The following ANKRD30A variants were observed in gnomAD, a reference collection of about 807,000 sequenced individuals.
The protein encoded by ANKRD30A is ankyrin repeat domain-containing protein 30A.
ANKRD30A carries 170 observed loss-of-function variants against 166.3 expected under a neutral mutation model. That is an observed-to-expected ratio of 1.02 (90% CI 0.90 to 1.16). ANKRD30A has a LOEUF of 1.16. Ranked by LOEUF, ANKRD30A falls within the 50% of genes most tolerant of loss-of-function variation. ANKRD30A has a pLI of 0.00. For missense variants in ANKRD30A, 1,630 were observed against 1,518.0 expected, an observed-to-expected ratio of 1.07 and a Z score of -1.23; for synonymous variants, 564 against 508.9, an observed-to-expected ratio of 1.11 and a Z score of -1.46.
chr10:37,222,550 G>C (rs532346878), intron 34 of ANKRD30A, among the ~76,000 whole-genome samples: 1 of 151,206 alleles, frequency 6.6e-6, no homozygotes, highest in South Asian at 2.1e-4. Flanking sequence ...TATGAATAAC[G>C]CTGCTGTAAG....
intron 31 of ANKRD30A, among the ~76,000 whole-genome samples, chr10:37,214,730 A>G (rs77196658): frequency 0.025 from 3,852 of 151,306 alleles, 103 homozygotes; most frequent in South Asian, 0.13. Flanking sequence ...ACCCATCTTC[A>G]AGTAATATTA....
the ANKRD30A span, among the ~76,000 whole-genome samples, chr10:37,240,304 G>A: frequency 6.6e-6 from 1 of 152,074 alleles, no homozygotes; most frequent in Non-Finnish European, 1.5e-5. Flanking sequence ...ACACACTGCA[G>A]TTGTTTTGAG....
At chr10:37,253,789 A>G in the ANKRD30A span, among the ~76,000 whole-genome samples, 4 of 151,860 alleles carry the variant, frequency 2.6e-5, no homozygotes, top group Non-Finnish European at 4.4e-5. Context: ...CTGGGACCAC[A>G]GGTGCCCGCC....
At chr10:37,130,708 A>G (rs1342043896) in intron 3 of ANKRD30A, among the ~76,000 whole-genome samples, 2 of 152,178 alleles carry the variant, frequency 1.3e-5, no homozygotes, top group African/African-American at 4.8e-5. Flanking sequence ...TTGAGTCAAC[A>G]TGTAAAATTT....
chr10:37,250,833 A>C, the ANKRD30A span, among the ~76,000 whole-genome samples: 1 of 152,198 alleles, frequency 6.6e-6, no homozygotes, highest in African/African-American at 2.4e-5. Flanking sequence ...CATTGTTTAT[A>C]AACCATGCAG....
intron 32 of ANKRD30A, 83 bp downstream of exon 32, chr10:37,216,477 C>A: frequency 7.5e-7 from 1 of 1,324,838 alleles, no homozygotes; most frequent in Non-Finnish European, 1.0e-6. Flanking sequence ...GCTGACTTAC[C>A]TTCTGAGGTT....
In ANKRD30A at chr10:37,194,635, G is replaced by A. The variant is rs111866145; in HGVS notation, c.2614+1377G>A. 4.0e-3 allele frequency among the ~76,000 whole-genome samples: 603 copies of A among 152,242 alleles called. 7 individuals carry two copies. The highest frequency in any genetic ancestry group is 0.013 in the African/African-American group (558 of 41,534). ...ACTGGAATTACAGGCGTGAGGCACC[G>A]TGCCCGGCCGATGTCTGAAATTTTC... On this transcript the variant is annotated intron_variant, in intron 27 of 35. Coordinates refer to ENST00000361713, the MANE Select transcript of ANKRD30A (RefSeq NM_052997.3).
rs1427544692 is a variant in ANKRD30A, at chr10:37,125,838, C to T, written c.51C>T (p.Arg17=). 9.2e-7 allele frequency: 1 copy of T among 1,089,318 alleles called. No homozygotes were observed. The allele number at this position is 1,089,318 out of a possible 1,614,324, so 67.5% of individuals were successfully genotyped here. Reference sequence around the variant, plus strand: ...TCAAGGTCGTGCCGGGCCCGGAGCGCCCGAGCCCTTTCAGCCAGCTAGTCT... The same window carrying T: ...TCAAGGTCGTGCCGGGCCCGGAGCGTCCGAGCCCTTTCAGCCAGCTAGTCT... ...AAVKVVPGPE[R]PSPFSQLVYT... is the part of the protein sequence containing the mutation. Residue 17 remains arginine (R), a synonymous_variant, in exon 1 of 36, where the codon CGC becomes CGT. Transcript: ENST00000361713.
At chr10:37,203,813 C>T (rs531368013) in intron 31 of ANKRD30A, among the ~76,000 whole-genome samples, 80 of 152,248 alleles carry the variant, frequency 5.3e-4, no homozygotes, top group Middle Eastern at 6.8e-3. Context: ...AATAAATGTG[C>T]AAAAATCACA....
At chr10:37,193,391 TGTGA>T in intron 27 of ANKRD30A, 133 bp downstream of exon 27, 2 of 1,233,858 alleles carry the variant, frequency 1.6e-6, no homozygotes, top group South Asian at 3.2e-5. Context: ...ATAATGCCAA[TGTGA>T]GTATTTCTGT....
chr10:37,193,062 A>C lies in ANKRD30A; in HGVS notation c.2513-2A>C, dbSNP rs764988615. ...AAATTATATATGTCCCTTTTCTTTT[A>C]GAGTCTCCTGATAATGATGGTTTTC... On this transcript the variant is annotated splice_acceptor_variant, in intron 25 of 35. Coordinates refer to ENST00000361713, the MANE Select transcript of ANKRD30A (RefSeq NM_052997.3). LOFTEE classifies it high-confidence loss of function. The C allele has an allele frequency of 6.2e-7, 1 of 1,609,672 alleles. No individual in the cohort carries two copies. The highest frequency in any genetic ancestry group is 1.1e-5 in the South Asian group (1 of 90,926).
intron 27 of ANKRD30A, among the ~76,000 whole-genome samples, chr10:37,193,852 C>G (rs762677737): frequency 1.3e-5 from 2 of 152,092 alleles, no homozygotes; most frequent in African/African-American, 4.8e-5. Context: ...CCTAGAGGTA[C>G]AAAAGAGCCT....
chr10:37,211,629 A>T (rs905783036), intron 31 of ANKRD30A, among the ~76,000 whole-genome samples: 2 of 152,146 alleles, frequency 1.3e-5, no homozygotes. Flanking sequence ...CATGTTTTAT[A>T]ATCCTTTGGG....
chr10:37,161,711 A>T (rs916337223), intron 15 of ANKRD30A, among the ~76,000 whole-genome samples: 9 of 152,272 alleles, frequency 5.9e-5, no homozygotes, highest in Middle Eastern at 3.4e-3. Context: ...CAATCAGGGA[A>T]GACAAATATA....
At chr10:37,151,916 GTAGT>G (rs1298521855) in intron 11 of ANKRD30A, 140 bp from the exon 12 acceptor site, 1 of 620,092 alleles carries the variant, frequency 1.6e-6, no homozygotes, top group African/African-American at 1.9e-5. Flanking sequence ...GACTATAGAA[GTAGT>G]TATTGTAATC....
chr10:37,132,399 TAAC>T (rs1836433270), intron 4 of ANKRD30A, 53 bp downstream of exon 4: 1 of 1,040,944 alleles, frequency 9.6e-7, no homozygotes, highest in Non-Finnish European at 1.4e-6. Flanking sequence ...TCTAGAGTAA[TAAC>T]ACTCAAGTCA....
At chr10:37,151,969 G>C (rs1222413731) in intron 11 of ANKRD30A, 91 bp from the exon 12 acceptor site, 22 of 1,182,228 alleles carry the variant, frequency 1.9e-5, no homozygotes, top group Non-Finnish European at 2.5e-5. Flanking sequence ...AAAAACCACA[G>C]ATTCGTGAAT....
At chr10:37,149,890 A>G (rs1837791664) in intron 11 of ANKRD30A, 41 bp downstream of exon 11, 1 of 1,607,818 alleles carries the variant, frequency 6.2e-7, no homozygotes, top group Admixed American at 1.7e-5. Context: ...GAATATTTCA[A>G]TATTGGACAT....
chr10:37,203,690 C>G (rs1429255825), intron 31 of ANKRD30A, among the ~76,000 whole-genome samples: 1 of 152,160 alleles, frequency 6.6e-6, no homozygotes, highest in African/African-American at 2.4e-5. Flanking sequence ...TAGAGGAAGT[C>G]AAATTTTCCC....
Sources: gnomAD v4.1 joint callset for allele counts (sites outside exome capture counted in the v4.1 genomes callset) on GRCh38, gnomAD v4.1.1 for gene constraint, MANE v1.5 for transcripts, NCBI Gene and HGNC (gene_info 2026-07-23, HGNC 2026-07-21) for gene names.